The following SYT9 variants were observed in gnomAD, a reference collection of about 807,000 sequenced individuals.
The protein encoded by SYT9 is synaptotagmin 9.
SYT9 carries 22 observed loss-of-function variants against 48.4 expected under a neutral mutation model. That is an observed-to-expected ratio of 0.45 (90% confidence interval 0.32 to 0.65). The LOEUF (loss-of-function observed/expected upper bound fraction) is 0.65. Among genes scored for constraint, SYT9 ranks in the 30% least tolerant of loss-of-function variants. The pLI is 0.03. For synonymous variants in SYT9, 265 were observed against 245.0 expected (o/e 1.08, Z -0.76); for missense variants, 577 against 622.0 (o/e 0.93, Z 0.77).
At chr11:7,286,211 A>T (rs1163420518) in intron 1 of SYT9, among the ~76,000 whole-genome samples, 1 of 152,260 alleles carries the variant, frequency 6.6e-6, no homozygotes, top group Non-Finnish European at 1.5e-5. Context: ...CTGCCTGGAC[A>T]TGCAGACATT....
intron 3 of SYT9, among the ~76,000 whole-genome samples, chr11:7,380,623 AAAAATAAAAACAG>A (rs1204908508): frequency 6.6e-6 from 1 of 152,164 alleles, no homozygotes; most frequent in African/African-American, 2.4e-5. Context: ...TAGCACAGCA[AAAAATAAAAACAG>A]AAAATAAAAA....
At chr11:7,280,070 C>T (rs1437953129) in intron 1 of SYT9, among the ~76,000 whole-genome samples, 1 of 152,248 alleles carries the variant, frequency 6.6e-6, no homozygotes, top group Non-Finnish European at 1.5e-5. Context: ...TGTATCAGTA[C>T]ATCTGTAAAC....
intron 6 of SYT9, among the ~76,000 whole-genome samples, chr11:7,430,774 C>G (rs1014934687): frequency 6.6e-6 from 1 of 152,110 alleles, no homozygotes; most frequent in Admixed American, 6.5e-5. Context: ...GATGCTGGCT[C>G]CTCCTTTGCC....
intron 1 of SYT9, among the ~76,000 whole-genome samples, chr11:7,284,082 C>A (rs1475032435): frequency 6.6e-6 from 1 of 152,072 alleles, no homozygotes; most frequent in East Asian, 1.9e-4. Flanking sequence ...TTATGTGTTT[C>A]TTAGGCTATT....
intron 6 of SYT9, chr11:7,457,961 T>C (rs1311589749): frequency 2.0e-5 from 3 of 152,250 alleles, no homozygotes; most frequent in African/African-American, 7.2e-5. Flanking sequence ...GTAAGAATTC[T>C]GTTCAAGTAA....
At chr11:7,362,294 A>C (rs1397936399) in intron 3 of SYT9, among the ~76,000 whole-genome samples, 1 of 151,528 alleles carries the variant, frequency 6.6e-6, no homozygotes, top group Admixed American at 6.6e-5. Flanking sequence ...ACAGGCCTGC[A>C]CCACCATGCC....
At chr11:7,297,083 TGTGA>T (rs1465890261) in intron 1 of SYT9, among the ~76,000 whole-genome samples, 21 of 75,030 alleles carry the variant, frequency 2.8e-4, no homozygotes, top group East Asian at 1.0e-3. Flanking sequence ...TGTGTGTGTG[TGTGA>T]GAGAGAGAGA....
chr11:7,391,103 T>G (rs1850756577), intron 3 of SYT9, among the ~76,000 whole-genome samples: 1 of 152,166 alleles, frequency 6.6e-6, no homozygotes, highest in South Asian at 2.1e-4. Context: ...CTGCATTAAT[T>G]CAGTTAGAAT....
At chr11:7,253,577 GC>G (rs1216018288) in intron 1 of SYT9, among the ~76,000 whole-genome samples, 7 of 91,772 alleles carry the variant, frequency 7.6e-5, no homozygotes, top group African/African-American at 2.3e-4. Flanking sequence ...CCTACCAGAG[GC>G]TTTTTTTTCC....
chr11:7,414,138 G>A (rs759662657), intron 3 of SYT9, among the ~76,000 whole-genome samples: 12 of 152,136 alleles, frequency 7.9e-5, no homozygotes, highest in South Asian at 2.1e-4. Flanking sequence ...GAGATTAGAC[G>A]GCATGCATTT....
intron 3 of SYT9, among the ~76,000 whole-genome samples, chr11:7,389,152 T>C (rs1473141068): frequency 6.6e-6 from 1 of 152,194 alleles, no homozygotes; most frequent in Non-Finnish European, 1.5e-5. Context: ...GAGTTCTTTA[T>C]ATGACAGAAC....
intron 3 of SYT9, among the ~76,000 whole-genome samples, chr11:7,388,482 T>C (rs1850702888): frequency 6.6e-6 from 1 of 152,124 alleles, no homozygotes; most frequent in Non-Finnish European, 1.5e-5. Flanking sequence ...ATACTTATTT[T>C]CTATTCATTA....
At chr11:7,277,892 C>T (rs1848427262) in intron 1 of SYT9, among the ~76,000 whole-genome samples, 1 of 152,172 alleles carries the variant, frequency 6.6e-6, no homozygotes, top group Non-Finnish European at 1.5e-5. Flanking sequence ...TAGGAATGCT[C>T]CATGTAATGT....
intron 6 of SYT9, chr11:7,454,191 C>T: frequency 1.0e-6 from 1 of 985,406 alleles, no homozygotes; most frequent in Non-Finnish European, 1.2e-6. Flanking sequence ...AATCACCCTT[C>T]ATTTTAATAC....
At chr11:7,448,268 A>G (rs1487737880) in intron 6 of SYT9, among the ~76,000 whole-genome samples, 6 of 152,250 alleles carry the variant, frequency 3.9e-5, no homozygotes, top group Non-Finnish European at 7.3e-5. Context: ...ATCTGGTTCT[A>G]TCTGGGATTT....
intron 6 of SYT9, chr11:7,456,827 C>T (rs4073066): frequency 0.31 from 47,468 of 151,982 alleles, 8,957 homozygotes; most frequent in African/African-American, 0.52. Flanking sequence ...CCAGTAATTC[C>T]ACAGGGCCAG....
At chr11:7,422,660 G>GA (rs1847376668) in intron 6 of SYT9, among the ~76,000 whole-genome samples, 1 of 152,198 alleles carries the variant, frequency 6.6e-6, no homozygotes, top group South Asian at 2.1e-4. Context: ...TGCTTCTCAG[G>GA]AAACAAGAAA....
chr11:7,372,623 T>A (rs1359238651), intron 3 of SYT9, among the ~76,000 whole-genome samples: 2 of 152,156 alleles, frequency 1.3e-5, no homozygotes, highest in African/African-American at 4.8e-5. Context: ...TTTTTCCCCA[T>A]TTTTAGTTGT....
At chr11:7,445,295 T>C (rs1847906286) in intron 6 of SYT9, among the ~76,000 whole-genome samples, 1 of 152,186 alleles carries the variant, frequency 6.6e-6, no homozygotes, top group Admixed American at 6.5e-5. Flanking sequence ...AAATCAAATG[T>C]CCAAAAATGT....
Sources: allele counts gnomAD v4.1 joint callset (sites outside exome capture counted in the v4.1 genomes callset), GRCh38; gene constraint gnomAD v4.1.1; transcripts MANE v1.5; gene names NCBI Gene and HGNC (gene_info 2026-07-23, HGNC 2026-07-21).